EXT1: variants seen among roughly 807,000 people sequenced by gnomAD.
The protein encoded by EXT1 is exostosin glycosyltransferase 1, also known as exostosin-1.
In EXT1, 20 loss-of-function variants were observed where a neutral mutation model predicts 82.5. The ratio of observed to expected loss-of-function variants is 0.24; its 90% CI spans 0.17 to 0.35. EXT1 has a LOEUF of 0.35. Ranked by LOEUF, EXT1 falls within the 10% of genes least tolerant of loss-of-function variation. The pLI, the probability that EXT1 is intolerant of heterozygous loss-of-function variation, is 1.00. For synonymous variants in EXT1, 348 were observed against 350.8 expected (o/e 0.99, Z 0.09); for missense variants, 757 against 936.5 (o/e 0.81, Z 2.50).
At chr8:117,864,926 A>C (rs564990360) in intron 1 of EXT1, among the ~76,000 whole-genome samples, 1 of 152,202 alleles carries the variant, frequency 6.6e-6, no homozygotes, top group Non-Finnish European at 1.5e-5. Context: ...AAAGATACAC[A>C]GATTTTTCAA....
At chr8:117,882,726 C>T (rs1416328313) in intron 1 of EXT1, among the ~76,000 whole-genome samples, 1 of 152,028 alleles carries the variant, frequency 6.6e-6, no homozygotes, top group African/African-American at 2.4e-5. Flanking sequence ...CCTGTAATCC[C>T]AGCACTTTGG....
rs538989741 is a variant in EXT1, at chr8:117,796,744, G to A, written c.*2968C>T. 63 of 152,190 alleles carry A rather than the reference G, an allele frequency of 4.1e-4. No individual in the cohort carries two copies. The highest frequency in any genetic ancestry group is 1.5e-3 in the African/African-American group (61 of 41,512). 9.4% of individuals were successfully genotyped at this position (152,190 alleles called of 1,614,324 possible). A position where few individuals can be genotyped will look rare whatever the true frequency, so the allele number is the denominator to read the frequency against. ...TGCTATCTTTTGTGGTATGACTATC[G>A]TGATTATTTCATGGATTTTTCTCTA... On this transcript the variant is annotated 3_prime_UTR_variant, in exon 11 of 11. Transcript: ENST00000378204.
chr8:118,032,597 G>A lies in EXT1; in HGVS notation c.962+77488C>T, dbSNP rs374948978. Among the ~76,000 whole-genome samples the A allele has an allele frequency of 3.2e-4, 48 of 147,960 alleles. No homozygotes were observed. In the East Asian group the frequency reaches 6.4e-3, roughly 20 times the overall value. On this transcript the variant is annotated intron_variant, in intron 1 of 10. Coordinates refer to ENST00000378204, the MANE Select transcript of EXT1 (RefSeq NM_000127.3). Reference sequence around the variant, plus strand: ...AGGATCTCGGCTGACTGCATCCTCCGCCTCCCAGGTTCAGGCAATTCATCT... The same window carrying A: ...AGGATCTCGGCTGACTGCATCCTCCACCTCCCAGGTTCAGGCAATTCATCT...
intron 10 of EXT1, among the ~76,000 whole-genome samples, chr8:117,804,307 A>G (rs1003507622): frequency 1.3e-5 from 2 of 152,142 alleles, no homozygotes; most frequent in Non-Finnish European, 2.9e-5. Context: ...CTATCTATGA[A>G]TCAGGAAACA....
chr8:118,097,355 G>A (rs1053764056), intron 1 of EXT1, among the ~76,000 whole-genome samples: 8 of 152,300 alleles, frequency 5.3e-5, no homozygotes, highest in African/African-American at 1.4e-4. Flanking sequence ...GCTGAGGCAG[G>A]AGAATTGCTT....
intron 1 of EXT1, among the ~76,000 whole-genome samples, chr8:117,925,031 G>A (rs1813927150): frequency 6.6e-6 from 1 of 152,074 alleles, no homozygotes; most frequent in East Asian, 1.9e-4. Flanking sequence ...TGTTTCCATG[G>A]AGAAAAAAAA....
intron 1 of EXT1, among the ~76,000 whole-genome samples, chr8:118,062,098 AT>A (rs1816891469): frequency 6.6e-6 from 1 of 152,174 alleles, no homozygotes; most frequent in South Asian, 2.1e-4. Flanking sequence ...ACATTCACTC[AT>A]TTCTAAAAAT....
chr8:117,875,429 T>C (rs1434584258), intron 1 of EXT1, among the ~76,000 whole-genome samples: 3 of 53,282 alleles, frequency 5.6e-5, no homozygotes, highest in Admixed American at 2.7e-4. Context: ...TCTAAATAAA[T>C]AAATAAATAA....
intron 1 of EXT1, among the ~76,000 whole-genome samples, chr8:117,901,148 C>T (rs545600433): frequency 5.9e-5 from 9 of 152,274 alleles, no homozygotes; most frequent in African/African-American, 1.9e-4. Flanking sequence ...GGGTTACGTT[C>T]TAAGAAGTGC....
intron 1 of EXT1, among the ~76,000 whole-genome samples, chr8:118,052,825 G>T (rs539199406): frequency 6.6e-6 from 1 of 152,196 alleles, no homozygotes; most frequent in African/African-American, 2.4e-5. Flanking sequence ...CTGCAGTGAA[G>T]GCAACACAAG....
intron 1 of EXT1, among the ~76,000 whole-genome samples, chr8:117,889,495 T>A (rs796808130): frequency 6.6e-6 from 1 of 152,196 alleles, no homozygotes; most frequent in African/African-American, 2.4e-5. Flanking sequence ...TTATTTCTCA[T>A]GTGATTTCAT....
chr8:118,083,335 C>T (rs1219090443), intron 1 of EXT1, among the ~76,000 whole-genome samples: 1 of 152,196 alleles, frequency 6.6e-6, no homozygotes, highest in African/African-American at 2.4e-5. Context: ...ATGGAAGACA[C>T]TGTACTATTT....
Position 117,968,737 on chromosome 8 carries a change from T to C in EXT1, c.963-131536A>G, listed in dbSNP as rs561327117. Among the ~76,000 whole-genome samples, 2 of 104,804 alleles carry C rather than the reference T, an allele frequency of 1.9e-5. 1 individual carries two copies. The highest frequency in any genetic ancestry group is 1.9e-4 in the Admixed American group (2 of 10,436). 68.8% of individuals were successfully genotyped at this position (104,804 alleles called of 152,430 possible). A position where few individuals can be genotyped will look rare whatever the true frequency, so the allele number is the denominator to read the frequency against. The stretch of plus-strand genomic sequence containing the variant: ...GGCGCCCACCACGACGCCCGGCTAA[T>C]TTTTTGTATTTTTAGTAGAGACGGG... On this transcript the variant is annotated intron_variant, in intron 1 of 10. Transcript: ENST00000378204.
chr8:117,846,292 G>T (rs1427975657), intron 1 of EXT1, among the ~76,000 whole-genome samples: 2 of 151,860 alleles, frequency 1.3e-5, no homozygotes, highest in Non-Finnish European at 2.9e-5. Flanking sequence ...ATTTTTAGTA[G>T]AGATGGGGTT....
intron 1 of EXT1, among the ~76,000 whole-genome samples, chr8:117,973,643 C>T (rs13256042): frequency 0.73 from 110,628 of 151,426 alleles, 41,356 homozygotes; most frequent in African/African-American, 0.88. Context: ...TGGTGTCTGC[C>T]TGTAGTCCTA....
chr8:117,802,856 A>G (rs147173399), intron 10 of EXT1, among the ~76,000 whole-genome samples: 3 of 152,328 alleles, frequency 2.0e-5, no homozygotes, highest in African/African-American at 7.2e-5. Context: ...ATCATAACCA[A>G]TACCTAGAAC....
chr8:117,987,352 C>T (rs995582411), intron 1 of EXT1, among the ~76,000 whole-genome samples: 3 of 152,190 alleles, frequency 2.0e-5, no homozygotes, highest in Non-Finnish European at 4.4e-5. Context: ...CCTTGCACAG[C>T]CTCCCAAGAT....
At chr8:118,006,198 G>T (rs751379151) in intron 1 of EXT1, among the ~76,000 whole-genome samples, 2 of 152,216 alleles carry the variant, frequency 1.3e-5, no homozygotes, top group Non-Finnish European at 2.9e-5. Context: ...CAAGGAGTGA[G>T]TCTACTATAA....
At position 118,080,377 on chromosome 8, in the gene EXT1, A is replaced by G. The variant is rs1199509123; in HGVS notation, c.962+29708T>C. ...TTAATTTCACCATTCTTTAGATTCA[A>G]TATATCAAGTCTGGAAACTAATAGA... On this transcript the variant is annotated intron_variant, in intron 1 of 10. Transcript: ENST00000378204. 3.9e-5 allele frequency among the ~76,000 whole-genome samples: 6 copies of G among 152,186 alleles called. No individual in the cohort carries two copies. In the South Asian group the frequency reaches 6.2e-4, roughly 16 times the overall value.
Sources: allele counts gnomAD v4.1 joint callset (sites outside exome capture counted in the v4.1 genomes callset), GRCh38; gene constraint gnomAD v4.1.1; transcripts MANE v1.5; gene names NCBI Gene and HGNC (gene_info 2026-07-23, HGNC 2026-07-21).